The following NAALADL2 variants were observed in gnomAD, a reference collection of about 807,000 sequenced individuals.
The protein encoded by NAALADL2 is N-acetylated alpha-linked acidic dipeptidase like 2, also known as inactive N-acetylated-alpha-linked acidic dipeptidase-like protein 2.
Under a neutral mutation model 87.2 loss-of-function variants are expected in NAALADL2, and 76 were observed. That is an observed-to-expected ratio of 0.87 (90% CI 0.72 to 1.05). The LOEUF is 1.05. Among genes scored for constraint, NAALADL2 ranks in the 50% least tolerant of loss-of-function variants. NAALADL2 has a pLI of 0.00. For synonymous variants in NAALADL2, 354 were observed against 331.0 expected, an observed-to-expected ratio of 1.07 and a Z score of -0.75; for missense variants, 1,089 against 945.8, an observed-to-expected ratio of 1.15 and a Z score of -1.99.
intron 2 of NAALADL2, among the ~76,000 whole-genome samples, chr3:174,711,772 C>T (rs1272232909): frequency 6.6e-6 from 1 of 152,116 alleles, no homozygotes; most frequent in Admixed American, 6.6e-5. Flanking sequence ...TATTATAGTG[C>T]AAGGAACATT....
chr3:175,217,335 G>T (rs1222473512), intron 2 of NAALADL2, among the ~76,000 whole-genome samples: 1 of 152,156 alleles, frequency 6.6e-6, no homozygotes, highest in Non-Finnish European at 1.5e-5. Flanking sequence ...TGCAGTCCTT[G>T]CAGAAGCTTT....
chr3:174,937,651 T>C (rs549939871), intron 1 of NAALADL2, among the ~76,000 whole-genome samples: 1 of 152,212 alleles, frequency 6.6e-6, no homozygotes, highest in African/African-American at 2.4e-5. Flanking sequence ...GCTAAGCAAC[T>C]TGCCAGAAGA....
chr3:175,363,096 G>T (rs1383573305), intron 5 of NAALADL2, among the ~76,000 whole-genome samples: 5 of 146,948 alleles, frequency 3.4e-5, no homozygotes, highest in African/African-American at 9.9e-5. Flanking sequence ...TTGTTTGTTT[G>T]TTTCTGTCCC....
intron 2 of NAALADL2, among the ~76,000 whole-genome samples, chr3:175,212,003 A>C (rs574525092): frequency 6.6e-6 from 1 of 152,160 alleles, no homozygotes; most frequent in South Asian, 2.1e-4. Context: ...TTTTTTTGTC[A>C]GGATAGTTGA....
intron 11 of NAALADL2, among the ~76,000 whole-genome samples, chr3:175,646,139 C>T (rs948205261): frequency 9.2e-5 from 14 of 151,974 alleles, no homozygotes; most frequent in African/African-American, 3.1e-4. Flanking sequence ...TCTTTTTCAA[C>T]TTTGCTTTAG....
At chr3:175,010,236 A>G (rs9879887) in intron 1 of NAALADL2, among the ~76,000 whole-genome samples, 3,686 of 152,242 alleles carry the variant, frequency 0.024, 158 homozygotes, top group African/African-American at 0.085. Context: ...TTGGCTATCT[A>G]TAGTCCAAAT....
chr3:174,987,827 T>TAAATATATATATATATATATATAA (rs1553911311), intron 1 of NAALADL2, among the ~76,000 whole-genome samples: 1 of 130,578 alleles, frequency 7.7e-6, no homozygotes, highest in African/African-American at 3.7e-5. Context: ...TATATATATA[T>TAAATATATATATATATATATATAA]AATGAGACCT....
intron 11 of NAALADL2, among the ~76,000 whole-genome samples, chr3:175,717,479 C>T (rs1741471726): frequency 6.6e-6 from 1 of 151,876 alleles, no homozygotes; most frequent in Non-Finnish European, 1.5e-5. Context: ...ATTGCTTGAG[C>T]CCAGGAGTTT....
intron 3 of NAALADL2, among the ~76,000 whole-genome samples, chr3:174,798,306 A>T (rs1255031119): frequency 1.3e-5 from 2 of 152,136 alleles, no homozygotes; most frequent in Admixed American, 6.6e-5. Flanking sequence ...TTTTAAAAAA[A>T]TTTTGTGGTT....
chr3:175,256,382 AT>A (rs781476158), intron 3 of NAALADL2, 28 bp from the exon 4 acceptor site: 1 of 1,584,562 alleles, frequency 6.3e-7, no homozygotes, highest in South Asian at 1.2e-5. Context: ...CTGAGGCTTT[AT>A]TTTTCTTTGT....
At chr3:175,045,556 A>G (rs1227014457) in intron 1 of NAALADL2, among the ~76,000 whole-genome samples, 2 of 152,194 alleles carry the variant, frequency 1.3e-5, no homozygotes, top group African/African-American at 4.8e-5. Context: ...TTAGCCTCCC[A>G]TAGTTTCATG....
At chr3:175,342,172 G>A (rs1425840643) in intron 5 of NAALADL2, among the ~76,000 whole-genome samples, 1 of 152,012 alleles carries the variant, frequency 6.6e-6, no homozygotes, top group Non-Finnish European at 1.5e-5. Flanking sequence ...AGCATCTACT[G>A]TTTTAAAAGT....
intron 2 of NAALADL2, among the ~76,000 whole-genome samples, chr3:174,605,829 A>C (rs1718983754): frequency 6.6e-6 from 1 of 152,144 alleles, no homozygotes; most frequent in Admixed American, 6.5e-5. Context: ...TTCTCCCAGC[A>C]TGCAGCTGGA....
In NAALADL2 at chr3:174,813,958, C is replaced by T. The variant is rs542119722; in HGVS notation, c.-9+76212C>T. The stretch of plus-strand genomic sequence containing the variant: ...GTAAGTCATTACATATGCACTCCAC[C>T]CCACAGACATACATATCTTCATTCC... On this transcript the variant is annotated intron_variant, in intron 3 of 3. Coordinates refer to the NAALADL2 transcript ENST00000434257. 4.6e-5 allele frequency among the ~76,000 whole-genome samples: 7 copies of T among 152,180 alleles called. No homozygotes were observed. In the South Asian group the frequency reaches 1.2e-3, roughly 27 times the overall value.
At chr3:175,193,143 T>C (rs544251442) in intron 2 of NAALADL2, among the ~76,000 whole-genome samples, 3 of 152,070 alleles carry the variant, frequency 2.0e-5, no homozygotes. Context: ...TTTAAGCAAA[T>C]GTGGTAGAAC....
At position 175,468,497 on chromosome 3, in the gene NAALADL2, A is replaced by T. The variant is rs113872762; in HGVS notation, c.1533+1313A>T. On this transcript the variant is annotated intron_variant, in intron 8 of 13. Coordinates refer to ENST00000454872, the MANE Select transcript of NAALADL2 (RefSeq NM_207015.3). ...TTGTAATCTATACCATTTTTAATAC[A>T]TCAGAAACAATGAAATTAATGTTTT... is the stretch of plus-strand genomic sequence containing the variant. 8.3e-3 allele frequency among the ~76,000 whole-genome samples: 1,261 copies of T among 152,158 alleles called. 10 individuals carry two copies. The highest frequency in any genetic ancestry group is 0.014 in the Non-Finnish European group (932 of 67,912).
chr3:174,576,609 G>A (rs571711669), intron 2 of NAALADL2, among the ~76,000 whole-genome samples: 7 of 152,132 alleles, frequency 4.6e-5, no homozygotes, highest in African/African-American at 1.2e-4. Context: ...TTTCTTACTC[G>A]ATTACATTAT....
At chr3:174,846,552 A>G (rs1185206192) in intron 3 of NAALADL2, among the ~76,000 whole-genome samples, 1 of 152,206 alleles carries the variant, frequency 6.6e-6, no homozygotes, top group Non-Finnish European at 1.5e-5. Context: ...TCTACAGGAT[A>G]CTTTTGTCAA....
chr3:175,802,666 T>G (rs956746453), intron 13 of NAALADL2, among the ~76,000 whole-genome samples: 3 of 152,076 alleles, frequency 2.0e-5, no homozygotes, highest in Admixed American at 2.0e-4. Flanking sequence ...TTTTTTCTGT[T>G]TCTTGTATTT....
Sources: allele counts gnomAD v4.1 joint callset (sites outside exome capture counted in the v4.1 genomes callset), GRCh38; gene constraint gnomAD v4.1.1; transcripts MANE v1.5; gene names NCBI Gene and HGNC (gene_info 2026-07-23, HGNC 2026-07-21).